The following PBX1 variants were observed in gnomAD, a reference collection of about 807,000 sequenced individuals.
PBX1 encodes pre-B-cell leukemia transcription factor 1.
A neutral mutation model predicts 53.4 loss-of-function variants in PBX1; 6 were observed. The observed-to-expected ratio is 0.11, with a 90% CI of 0.06 to 0.22. The LOEUF (loss-of-function observed/expected upper bound fraction) is 0.22, where lower values mean the gene tolerates loss of function less well. Among genes scored for constraint, PBX1 ranks in the 10% least tolerant of loss-of-function variants. The pLI is 1.00. For synonymous variants in PBX1, 204 were observed against 212.3 expected (o/e 0.96, Z 0.34); for missense variants, 251 against 551.4 (o/e 0.46, Z 5.46).
chr1:164,796,337 T>C (rs1158373449), intron 3 of PBX1, among the ~76,000 whole-genome samples: 1 of 152,156 alleles, frequency 6.6e-6, no homozygotes, highest in African/African-American at 2.4e-5. Context: ...TGTCATATTA[T>C]AATAGATAAA....
chr1:164,626,252 C>T (rs2996669), intron 2 of PBX1, among the ~76,000 whole-genome samples: 87,467 of 152,006 alleles, frequency 0.58, 25,707 homozygotes, highest in East Asian at 0.93. Flanking sequence ...TTTGGAAATC[C>T]TGGGAAAACC....
intron 2 of PBX1, among the ~76,000 whole-genome samples, chr1:164,763,448 A>G (rs966020359): frequency 2.6e-5 from 4 of 152,226 alleles, no homozygotes; most frequent in African/African-American, 9.6e-5. Flanking sequence ...CCCATCAGTT[A>G]GGACTTAGTA....
chr1:164,673,769 G>A (rs1315863288), intron 2 of PBX1, among the ~76,000 whole-genome samples: 1 of 152,076 alleles, frequency 6.6e-6, no homozygotes, highest in African/African-American at 2.4e-5. Flanking sequence ...AACTTTTATG[G>A]GAATGCCGTG....
chr1:164,614,641 A>T (rs1167865158), intron 2 of PBX1, among the ~76,000 whole-genome samples: 1 of 152,250 alleles, frequency 6.6e-6, no homozygotes, highest in Admixed American at 6.5e-5. Flanking sequence ...GAAGCAGATC[A>T]TAAAAAAATG....
At chr1:164,884,495 G>C (rs551276637) in intron 2 of PBX1, 188 of 483,796 alleles carry the variant, frequency 3.9e-4, no homozygotes, top group African/African-American at 3.4e-3. Context: ...CTGTGGATAG[G>C]GGGTGTTAAA....
intron 2 of PBX1, among the ~76,000 whole-genome samples, chr1:164,675,329 C>A (rs975418750): frequency 2.6e-5 from 4 of 152,164 alleles, no homozygotes; most frequent in African/African-American, 9.7e-5. Context: ...TTACCATTCA[C>A]TTAAGAAGTA....
chr1:164,781,704 C>T (rs986265450), intron 2 of PBX1, among the ~76,000 whole-genome samples: 4 of 152,134 alleles, frequency 2.6e-5, no homozygotes, highest in Admixed American at 1.3e-4. Flanking sequence ...TCCCTCATCC[C>T]GGACTTCCTG....
intron 3 of PBX1, among the ~76,000 whole-genome samples, chr1:164,795,230 G>T (rs1343709680): frequency 6.6e-6 from 1 of 152,134 alleles, no homozygotes; most frequent in Non-Finnish European, 1.5e-5. Flanking sequence ...GAGAGAATTT[G>T]CCCTAGAATC....
At chr1:164,786,444 TTAA>T (rs1055146719) in intron 2 of PBX1, among the ~76,000 whole-genome samples, 13 of 152,046 alleles carry the variant, frequency 8.6e-5, no homozygotes, top group Admixed American at 7.2e-4. Flanking sequence ...GAGCTGAGAT[TTAA>T]AATGAAATAG....
At chr1:164,773,089 C>G (rs1385748502) in intron 2 of PBX1, 1 of 152,188 alleles carries the variant, frequency 6.6e-6, no homozygotes, top group Non-Finnish European at 1.5e-5. Context: ...AGCAGTTGTT[C>G]TCAGCCCTCT....
intron 4 of PBX1, among the ~76,000 whole-genome samples, chr1:164,804,719 T>C (rs1669256537): frequency 6.6e-6 from 1 of 152,216 alleles, no homozygotes; most frequent in South Asian, 2.1e-4. Context: ...GGACATGCTT[T>C]GGGGGCAATC....
chr1:164,783,605 G>A (rs764896622), intron 2 of PBX1, among the ~76,000 whole-genome samples: 3 of 152,126 alleles, frequency 2.0e-5, no homozygotes, highest in Non-Finnish European at 4.4e-5. Context: ...AAGCACTACT[G>A]TGTGCTTTTG....
downstream of PBX1, among the ~76,000 whole-genome samples, chr1:164,853,703 G>A (rs1046520902): frequency 2.6e-5 from 4 of 152,116 alleles, no homozygotes; most frequent in Non-Finnish European, 5.9e-5. Context: ...CAGTACGTTA[G>A]GGCCACCTTG....
At chr1:164,672,176 T>A (rs1036135227) in intron 2 of PBX1, among the ~76,000 whole-genome samples, 1 of 152,032 alleles carries the variant, frequency 6.6e-6, no homozygotes, top group Non-Finnish European at 1.5e-5. Flanking sequence ...TGTCTCTACA[T>A]AGATACTCAT....
chr1:164,792,619 G>A lies in PBX1; in HGVS notation c.391G>A (p.Ala131Thr). Residue 131 changes from alanine (A) to threonine (T), a missense_variant, in exon 3 of 9, where the codon GCA becomes ACA. By Grantham distance (58) the Ala-to-Thr change is moderately conservative. This residue lies in a region of PBX1 where 76 missense variants were observed against 197.5 expected (regional missense o/e 0.38). Transcript: ENST00000420696. Reference protein sequence around the residue: ...EKGGGSAAAAAAAAASGGAGS... With the variant: ...EKGGGSAAAATAAAASGGAGS... ...GGGCGGAGGGTCGGCGGCAGCGGCG[G>A]CAGCGGCGGCGGCTTCTGGAGGGGC... The A allele has an allele frequency of 1.2e-6, 2 of 1,613,680 alleles. No homozygotes were observed. The highest frequency in any genetic ancestry group is 1.7e-6 in the Non-Finnish European group (2 of 1,179,766).
intron 2 of PBX1, among the ~76,000 whole-genome samples, chr1:164,624,161 G>GT (rs1288174929): frequency 1.3e-5 from 2 of 152,174 alleles, no homozygotes; most frequent in African/African-American, 4.8e-5. Flanking sequence ...AATTGCTACT[G>GT]TTGCCATTGA....
intron 2 of PBX1, among the ~76,000 whole-genome samples, chr1:164,705,977 A>C (rs1209795839): frequency 1.3e-5 from 2 of 152,228 alleles, no homozygotes; most frequent in Non-Finnish European, 2.9e-5. Context: ...GAAATAAGCT[A>C]AAATGTTTTC....
intron 2 of PBX1, chr1:164,683,584 T>C (rs1341184306): frequency 6.6e-6 from 1 of 152,176 alleles, no homozygotes; most frequent in African/African-American, 2.4e-5. Context: ...TGTATCACCT[T>C]GTTAATGTGT....
intron 2 of PBX1, among the ~76,000 whole-genome samples, chr1:164,722,729 T>G (rs570252538): frequency 1.3e-5 from 2 of 152,326 alleles, no homozygotes; most frequent in East Asian, 3.9e-4. Flanking sequence ...CTTATCCAAC[T>G]AAGACCATGC....
Sources: allele counts gnomAD v4.1 joint callset (sites outside exome capture counted in the v4.1 genomes callset), GRCh38; gene constraint gnomAD v4.1.1; regional missense constraint gnomAD v4.1.1; transcripts MANE v1.5; gene names NCBI Gene and HGNC (gene_info 2026-07-23, HGNC 2026-07-21).